The following ADGRB3 variants were observed in gnomAD, a reference collection of about 807,000 sequenced individuals.
ADGRB3 encodes brain-specific angiogenesis inhibitor 3.
A neutral mutation model predicts 193.4 loss-of-function variants in ADGRB3; 37 were observed. That is an observed-to-expected ratio of 0.19 (90% CI 0.15 to 0.25). ADGRB3 has a LOEUF of 0.25. Among genes scored for constraint, ADGRB3 ranks in the 10% least tolerant of loss-of-function variants. The pLI, the probability that ADGRB3 is intolerant of heterozygous loss-of-function variation, is 1.00. For missense variants in ADGRB3, 1,637 were observed against 1,852.9 expected (o/e 0.88, Z 2.14); for synonymous variants, 690 against 644.2 (o/e 1.07, Z -1.08).
intron 29 of ADGRB3, among the ~76,000 whole-genome samples, chr6:69,366,676 G>A (rs1482710160): frequency 6.6e-6 from 1 of 152,024 alleles, no homozygotes; most frequent in Non-Finnish European, 1.5e-5. Context: ...TCTCTTAGCT[G>A]TCAGTTGACC....
At chr6:68,824,653 A>C (rs1478234880) in intron 3 of ADGRB3, among the ~76,000 whole-genome samples, 1 of 148,466 alleles carries the variant, frequency 6.7e-6, no homozygotes, top group Non-Finnish European at 1.5e-5. Context: ...ATATATTATA[A>C]ATATATATGT....
At chr6:68,889,820 C>T (rs1425962097) in intron 3 of ADGRB3, among the ~76,000 whole-genome samples, 3 of 151,928 alleles carry the variant, frequency 2.0e-5, no homozygotes, top group South Asian at 2.1e-4. Flanking sequence ...TATTCTTAAA[C>T]GAGCAATAGT....
chr6:68,669,074 T>TA lies in ADGRB3; in HGVS notation c.757+29649dup, dbSNP rs1302928792. On this transcript the variant is annotated intron_variant, in intron 3 of 31. Coordinates refer to ENST00000370598, the MANE Select transcript of ADGRB3 (RefSeq NM_001704.3). Reference sequence around the variant, plus strand: ...TGTATGTATTTATTTTTATAATTTTTAAAAAAATGTGTGAGCGCATGGTAG... The same window carrying TA: ...TGTATGTATTTATTTTTATAATTTTTAAAAAAAATGTGTGAGCGCATGGTAG... Among the ~76,000 whole-genome samples, 4 of 151,864 alleles carry TA rather than the reference T, an allele frequency of 2.6e-5. No individual in the cohort carries two copies. The East Asian group carries it at 7.7e-4, about 29-fold the overall frequency.
intron 17 of ADGRB3, among the ~76,000 whole-genome samples, chr6:69,209,521 A>C (rs1057454875): frequency 6.6e-6 from 1 of 152,240 alleles, no homozygotes; most frequent in Non-Finnish European, 1.5e-5. Flanking sequence ...CACTGGATCC[A>C]ATCAACATAA....
chr6:69,093,071 G>A (rs1772762480), intron 17 of ADGRB3, among the ~76,000 whole-genome samples: 1 of 151,878 alleles, frequency 6.6e-6, no homozygotes. Flanking sequence ...TAGTTTCAGT[G>A]GACTGAGGAG....
At chr6:69,373,711 A>G (rs1275376380) in intron 30 of ADGRB3, among the ~76,000 whole-genome samples, 1 of 152,050 alleles carries the variant, frequency 6.6e-6, no homozygotes, top group Non-Finnish European at 1.5e-5. Flanking sequence ...TTCTTCAGGT[A>G]GCCAAAAATA....
At chr6:69,170,646 T>C (rs970420814) in intron 17 of ADGRB3, among the ~76,000 whole-genome samples, 5 of 152,192 alleles carry the variant, frequency 3.3e-5, no homozygotes, top group African/African-American at 4.8e-5. Flanking sequence ...CACTCTGATA[T>C]ATAGAAAAGG....
chr6:68,732,455 ATT>A (rs1193724550), intron 3 of ADGRB3, among the ~76,000 whole-genome samples: 1 of 151,994 alleles, frequency 6.6e-6, no homozygotes, highest in Non-Finnish European at 1.5e-5. Context: ...AAGCTATACA[ATT>A]TGAAATTCAG....
At chr6:69,055,260 A>C (rs1771510589) in intron 15 of ADGRB3, among the ~76,000 whole-genome samples, 1 of 152,230 alleles carries the variant, frequency 6.6e-6, no homozygotes, top group South Asian at 2.1e-4. Flanking sequence ...TGCAAAATTA[A>C]GACTATACAC....
intron 13 of ADGRB3, among the ~76,000 whole-genome samples, chr6:69,038,753 A>G (rs994833434): frequency 6.6e-5 from 10 of 152,208 alleles, no homozygotes; most frequent in Non-Finnish European, 1.3e-4. Context: ...ATAACAAAAT[A>G]AGTGACAAAA....
chr6:69,197,047 A>G (rs1444850059), intron 17 of ADGRB3, among the ~76,000 whole-genome samples: 3 of 152,050 alleles, frequency 2.0e-5, no homozygotes, highest in Non-Finnish European at 2.9e-5. Context: ...CCCTTTGCCA[A>G]CTATATCAAT....
chr6:69,252,149 T>C (rs900621036), intron 20 of ADGRB3, among the ~76,000 whole-genome samples: 3 of 152,130 alleles, frequency 2.0e-5, no homozygotes, highest in African/African-American at 7.2e-5. Context: ...ACAAATGAAA[T>C]CATAGCATGA....
intron 3 of ADGRB3, among the ~76,000 whole-genome samples, chr6:68,646,602 G>T (rs1318019783): frequency 1.3e-5 from 2 of 151,556 alleles, no homozygotes; most frequent in African/African-American, 2.4e-5. Context: ...TTTATTTGTT[G>T]TTTTGTTTGT....
intron 17 of ADGRB3, among the ~76,000 whole-genome samples, chr6:69,229,557 T>C (rs1324029807): frequency 6.6e-6 from 1 of 152,186 alleles, no homozygotes; most frequent in Non-Finnish European, 1.5e-5. Flanking sequence ...ATAATTTACA[T>C]GCTGATTTAT....
intron 20 of ADGRB3, among the ~76,000 whole-genome samples, chr6:69,255,546 G>GT (rs1174954902): frequency 3.3e-5 from 5 of 152,116 alleles, no homozygotes; most frequent in African/African-American, 1.2e-4. Context: ...TTTTTGAGGG[G>GT]TTGTTTGTTT....
At chr6:68,903,710 C>A (rs1400598292) in intron 3 of ADGRB3, among the ~76,000 whole-genome samples, 1 of 151,872 alleles carries the variant, frequency 6.6e-6, no homozygotes, top group Non-Finnish European at 1.5e-5. Context: ...TAATTACTAA[C>A]CTTAAGAGAA....
chr6:68,638,128 A>C (rs558379994), intron 2 of ADGRB3, among the ~76,000 whole-genome samples: 4 of 152,334 alleles, frequency 2.6e-5, no homozygotes, highest in African/African-American at 9.6e-5. Context: ...TGTGCTTTTA[A>C]AATTGTGGCC....
At chr6:68,945,461 G>C (rs1262722532) in intron 6 of ADGRB3, among the ~76,000 whole-genome samples, 1 of 151,894 alleles carries the variant, frequency 6.6e-6, no homozygotes, top group African/African-American at 2.4e-5. Flanking sequence ...CATATGTAGT[G>C]ATGCCTTGTG....
intron 17 of ADGRB3, among the ~76,000 whole-genome samples, chr6:69,157,077 C>T (rs1774861627): frequency 6.6e-6 from 1 of 152,200 alleles, no homozygotes; most frequent in Admixed American, 6.5e-5. Context: ...TCATACCATT[C>T]ACGCCTTACT....
Sources: gnomAD v4.1 joint callset for allele counts (sites outside exome capture counted in the v4.1 genomes callset) on GRCh38, gnomAD v4.1.1 for gene constraint, MANE v1.5 for transcripts, NCBI Gene and HGNC (gene_info 2026-07-23, HGNC 2026-07-21) for gene names.